IL1RAPL2: variants seen among roughly 807,000 people sequenced by gnomAD.
IL1RAPL2 encodes interleukin 1 receptor accessory protein like 2, also known as X-linked interleukin-1 receptor accessory protein-like 2.
A neutral mutation model predicts 44.1 loss-of-function variants in IL1RAPL2; 3 were observed. The ratio of observed to expected loss-of-function variants is 0.07; its 90% confidence interval spans 0.03 to 0.18. IL1RAPL2 has a LOEUF of 0.18. Ranked by LOEUF, IL1RAPL2 falls within the 10% of genes least tolerant of loss-of-function variation. IL1RAPL2 has a pLI of 1.00. For missense variants in IL1RAPL2, 391 were observed against 496.4 expected (o/e 0.79, Z 2.02); for synonymous variants, 181 against 178.8 (o/e 1.01, Z -0.10).
intron 2 of IL1RAPL2, among the ~76,000 whole-genome samples, chrX:104,761,944 T>A (rs746973597): frequency 2.7e-5 from 2 of 73,556 alleles, no homozygotes; most frequent in Admixed American, 1.4e-4. Flanking sequence ...TTCTTCTTCT[T>A]CTTCTTCTTC....
chrX:105,488,560 T>A (rs1360347122), intron 6 of IL1RAPL2, among the ~76,000 whole-genome samples: 1 of 112,117 alleles, frequency 8.9e-6, no homozygotes, highest in Non-Finnish European at 1.9e-5. Flanking sequence ...AAGTTAGGGG[T>A]AGTTTGTTAA....
intron 2 of IL1RAPL2, among the ~76,000 whole-genome samples, chrX:104,740,888 G>A (rs1170139730): frequency 2.7e-5 from 3 of 111,538 alleles, no homozygotes; most frequent in Non-Finnish European, 5.7e-5. Flanking sequence ...GATATCTACA[G>A]TGGTGACTCT....
chrX:105,240,510 C>A (rs141454380), intron 4 of IL1RAPL2, among the ~76,000 whole-genome samples: 2 of 112,138 alleles, frequency 1.8e-5, no homozygotes, highest in African/African-American at 6.5e-5. Flanking sequence ...TGATATGACT[C>A]TAAAGTTATG....
intron 1 of IL1RAPL2, among the ~76,000 whole-genome samples, chrX:104,641,817 T>G (rs754291003): frequency 9.0e-6 from 1 of 111,725 alleles, no homozygotes; most frequent in African/African-American, 3.2e-5. Flanking sequence ...TAGCCCAAGT[T>G]TCCATAATGC....
chrX:105,042,936 G>T (rs1168146614), intron 2 of IL1RAPL2, among the ~76,000 whole-genome samples: 1 of 106,982 alleles, frequency 9.3e-6, no homozygotes. Flanking sequence ...TAGGGACATG[G>T]ATGAAATTGG....
At chrX:105,693,537 C>G (rs1261759098) in intron 6 of IL1RAPL2, among the ~76,000 whole-genome samples, 1 of 112,134 alleles carries the variant, frequency 8.9e-6, no homozygotes, top group Non-Finnish European at 1.9e-5. Context: ...ACATCAGAAG[C>G]AGATGCTGGT....
At chrX:105,629,665 C>A in intron 6 of IL1RAPL2, among the ~76,000 whole-genome samples, 1 of 111,683 alleles carries the variant, frequency 9.0e-6, no homozygotes, top group Middle Eastern at 4.7e-3. Context: ...CACAAAAAAA[C>A]CCACATAAAC....
At chrX:105,464,524 A>T (rs776274782) in intron 5 of IL1RAPL2, among the ~76,000 whole-genome samples, 1 of 111,756 alleles carries the variant, frequency 8.9e-6, no homozygotes, top group South Asian at 3.7e-4. Flanking sequence ...CTTCTAAATG[A>T]ATACAAAAAC....
chrX:105,165,861 CT>C (rs775507063), intron 2 of IL1RAPL2, among the ~76,000 whole-genome samples: 18 of 111,737 alleles, frequency 1.6e-4, no homozygotes, highest in African/African-American at 5.5e-4. Context: ...GCCAATTCCT[CT>C]GCAGATCCCT....
At chrX:105,616,123 C>T (rs1238986064) in intron 6 of IL1RAPL2, among the ~76,000 whole-genome samples, 1 of 112,053 alleles carries the variant, frequency 8.9e-6, no homozygotes, top group Non-Finnish European at 1.9e-5. Flanking sequence ...AGAATATTCT[C>T]ATTCTTAAGA....
intron 5 of IL1RAPL2, among the ~76,000 whole-genome samples, chrX:105,373,970 T>C (rs760357269): frequency 2.9e-4 from 32 of 108,993 alleles, no homozygotes; most frequent in Non-Finnish European, 5.5e-4. Flanking sequence ...AATAGAAAAA[T>C]TAGCCAGGCA....
rs189036149 is a variant in IL1RAPL2, at chrX:105,349,926, G to T, written c.697+82385G>T. ...TCTTAGATGAAAGGATACTACAAAT[G>T]AACTTTCTAAGGTAAATCAGGGCTT... On this transcript the variant is annotated intron_variant, in intron 5 of 10. Coordinates refer to ENST00000372582, the MANE Select transcript of IL1RAPL2 (RefSeq NM_017416.2). Among the ~76,000 whole-genome samples, 288 of 111,904 alleles carry T rather than the reference G, an allele frequency of 2.6e-3. 2 individuals carry two copies. The highest frequency in any genetic ancestry group is 9.1e-3 in the African/African-American group (281 of 30,802).
At chrX:104,778,750 G>T (rs1932755327) in intron 2 of IL1RAPL2, among the ~76,000 whole-genome samples, 1 of 108,969 alleles carries the variant, frequency 9.2e-6, no homozygotes, top group Non-Finnish European at 1.9e-5. Context: ...AATTAAAATG[G>T]ATTTTTACTT....
At chrX:105,710,334 A>T (rs2038198104) in intron 6 of IL1RAPL2, among the ~76,000 whole-genome samples, 1 of 97,171 alleles carries the variant, frequency 1.0e-5, no homozygotes, top group African/African-American at 3.9e-5. Flanking sequence ...TCTCACGGTC[A>T]CTGTTGTCTG....
intron 2 of IL1RAPL2, among the ~76,000 whole-genome samples, chrX:105,119,317 G>A (rs1027069251): frequency 9.0e-6 from 1 of 111,377 alleles, no homozygotes; most frequent in African/African-American, 3.3e-5. Context: ...AAAGGAGAAT[G>A]CATTTTAGGG....
chrX:105,659,044 A>G (rs1331449442), intron 6 of IL1RAPL2, among the ~76,000 whole-genome samples: 1 of 110,211 alleles, frequency 9.1e-6, no homozygotes. Context: ...CGAGAATCAC[A>G]TGAACCTGGT....
At chrX:104,888,302 CAG>C (rs1923314436) in intron 2 of IL1RAPL2, among the ~76,000 whole-genome samples, 1 of 97,100 alleles carries the variant, frequency 1.0e-5, no homozygotes, top group African/African-American at 3.9e-5. Context: ...GGAGAAGAGA[CAG>C]AGACAAAGAG....
chrX:105,040,563 G>T (rs2147758826), intron 2 of IL1RAPL2, among the ~76,000 whole-genome samples: 1 of 110,523 alleles, frequency 9.0e-6, no homozygotes, highest in Non-Finnish European at 1.9e-5. Flanking sequence ...TTCAGATCCT[G>T]TTATTGGTCT....
At chrX:105,136,926 T>C (rs1488202827) in intron 2 of IL1RAPL2, among the ~76,000 whole-genome samples, 1 of 112,414 alleles carries the variant, frequency 8.9e-6, no homozygotes, top group African/African-American at 3.2e-5. Flanking sequence ...GAAGAGATCT[T>C]GGGCAGAGAT....
Sources: gnomAD v4.1 joint callset for allele counts (sites outside exome capture counted in the v4.1 genomes callset) on GRCh38, gnomAD v4.1.1 for gene constraint, MANE v1.5 for transcripts, NCBI Gene and HGNC (gene_info 2026-07-23, HGNC 2026-07-21) for gene names.